Variants in LHFPL4 observed in about 807,000 individuals in gnomAD.
LHFPL4 encodes the protein LHFPL tetraspan subfamily member 4, also known as LHFPL tetraspan subfamily member 4 protein.
LHFPL4 carries 6 observed loss-of-function variants against 20.0 expected under a neutral mutation model. The ratio of observed to expected loss-of-function variants is 0.30; its 90% CI spans 0.16 to 0.59. The LOEUF (loss-of-function observed/expected upper bound fraction) is 0.59, where lower values mean the gene tolerates loss of function less well. Ranked by LOEUF, LHFPL4 falls within the 20% of genes least tolerant of loss-of-function variation. The probability of loss-of-function intolerance (pLI) is 0.88; values close to 1 mark genes in which losing one functional copy is unlikely to be tolerated. For missense variants in LHFPL4, 215 were observed against 331.2 expected, an observed-to-expected ratio of 0.65 and a Z score of 2.72; for synonymous variants, 129 against 143.8, an observed-to-expected ratio of 0.90 and a Z score of 0.74.
chr3:9,525,626 T>C (rs946514550), intron 2 of LHFPL4, among the ~76,000 whole-genome samples: 2 of 152,216 alleles, frequency 1.3e-5, no homozygotes. Context: ...AAAAAGGATA[T>C]GCATACTATG....
At chr3:9,537,231 G>A (rs968923457) in intron 2 of LHFPL4, among the ~76,000 whole-genome samples, 5 of 152,070 alleles carry the variant, frequency 3.3e-5, no homozygotes, top group African/African-American at 1.2e-4. Context: ...TTGCACTCTG[G>A]CCACACTGCC....
chr3:9,504,554 G>T (rs957753171), intron 3 of LHFPL4, among the ~76,000 whole-genome samples: 1 of 152,022 alleles, frequency 6.6e-6, no homozygotes, highest in African/African-American at 2.4e-5. Context: ...AGCTGGGCAC[G>T]GTGGCTCACA....
At position 9,498,876 on chromosome 3, in the gene LHFPL4, C is replaced by A. The variant is rs562407476; in HGVS notation, c.*3335G>T. 6.5e-6 allele frequency: 1 copy of A among 152,684 alleles called. No homozygotes were observed. Among genetic ancestry groups the A allele is most frequent in the African/African-American group, 2.4e-5 (1 of 41,452 alleles). The allele number at this position is 152,684 out of a possible 1,614,324, so 9.5% of individuals were successfully genotyped here. A position where few individuals can be genotyped will look rare whatever the true frequency, so the allele number is the denominator to read the frequency against. On this transcript the variant is annotated 3_prime_UTR_variant, in exon 4 of 4. Transcript: ENST00000287585. Reference sequence around the variant, plus strand: ...GATCTTGATTCTTTGGTCCTCACCCCCTCAGGAAAGTTTTCCTTCATGGGT... The same window carrying A: ...GATCTTGATTCTTTGGTCCTCACCCACTCAGGAAAGTTTTCCTTCATGGGT...
At chr3:9,517,512 G>A (rs1179791499) in intron 2 of LHFPL4, among the ~76,000 whole-genome samples, 3 of 151,374 alleles carry the variant, frequency 2.0e-5, no homozygotes, top group Admixed American at 1.3e-4. Flanking sequence ...TTTCCAGTCT[G>A]AGAAACAGAC....
intron 2 of LHFPL4, among the ~76,000 whole-genome samples, chr3:9,533,833 T>A (rs2046427288): frequency 2.0e-5 from 3 of 151,616 alleles, no homozygotes; most frequent in Admixed American, 2.0e-4. Context: ...GAAGGGGGAA[T>A]GAGGTTTATG....
intron 2 of LHFPL4, among the ~76,000 whole-genome samples, chr3:9,550,321 G>A (rs1038700932): frequency 3.9e-5 from 6 of 152,110 alleles, no homozygotes; most frequent in Non-Finnish European, 8.8e-5. Context: ...CACATGGGTG[G>A]GGCAGTAATG....
intron 2 of LHFPL4, among the ~76,000 whole-genome samples, chr3:9,522,425 C>T (rs2046344104): frequency 6.6e-6 from 1 of 152,034 alleles, no homozygotes; most frequent in Admixed American, 6.5e-5. Context: ...AAACTGTTAT[C>T]TGTTAGATCA....
At chr3:9,530,878 C>T (rs112383402) in intron 2 of LHFPL4, among the ~76,000 whole-genome samples, 8 of 152,254 alleles carry the variant, frequency 5.3e-5, no homozygotes, top group Admixed American at 1.3e-4. Context: ...GGATAACAAG[C>T]GTGAGCCACC....
chr3:9,533,367 G>C (rs1051345467), intron 2 of LHFPL4, among the ~76,000 whole-genome samples: 4 of 152,198 alleles, frequency 2.6e-5, no homozygotes, highest in Admixed American at 2.0e-4. Context: ...CAACAAAATA[G>C]TATACAGCAG....
In LHFPL4 at chr3:9,499,900, C is replaced by G; in HGVS notation, c.*2311G>C. On this transcript the variant is annotated 3_prime_UTR_variant, in exon 4 of 4. Transcript: ENST00000287585. Reference sequence around the variant, plus strand: ...CTTCCTCTGCATCCCATTCTTGCCCCCAACCCACATCTCCATTTACCTCTT... The same window carrying G: ...CTTCCTCTGCATCCCATTCTTGCCCGCAACCCACATCTCCATTTACCTCTT... 6.6e-6 allele frequency: 1 copy of G among 152,572 alleles called. No homozygotes were observed. 9.5% of individuals were successfully genotyped at this position (152,572 alleles called of 1,614,324 possible). A position where few individuals can be genotyped will look rare whatever the true frequency, so the allele number is the denominator to read the frequency against.
intron 2 of LHFPL4, among the ~76,000 whole-genome samples, chr3:9,540,552 G>A (rs910356533): frequency 6.6e-6 from 1 of 152,084 alleles, no homozygotes; most frequent in Admixed American, 6.6e-5. Context: ...AACAAAGTTG[G>A]AGGACTCACA....
rs1286247285 is a variant in LHFPL4 at position 9,500,247 on chromosome 3, G to A, written c.*1964C>T. 3 of 152,234 alleles carry A rather than the reference G, an allele frequency of 2.0e-5. No individual in the cohort carries two copies. The highest frequency in any genetic ancestry group is 7.3e-5 in the African/African-American group (3 of 41,354). The allele number at this position is 152,234 out of a possible 1,614,324, so 9.4% of individuals were successfully genotyped here. A position where few individuals can be genotyped will look rare whatever the true frequency, so the allele number is the denominator to read the frequency against. On this transcript the variant is annotated 3_prime_UTR_variant, in exon 4 of 4. Coordinates refer to ENST00000287585, the MANE Select transcript of LHFPL4 (RefSeq NM_198560.3). ...GCTGGGCTTGGTTTGCATCTTTGAG[G>A]AACTCCCTCCTACCCCAACTCCCTC... is the stretch of plus-strand genomic sequence containing the variant.
intron 2 of LHFPL4, among the ~76,000 whole-genome samples, chr3:9,507,625 G>A (rs1050467100): frequency 6.6e-6 from 1 of 152,252 alleles, no homozygotes; most frequent in Non-Finnish European, 1.5e-5. Flanking sequence ...AAGAGAAGGG[G>A]CAGGCTCAGA....
At chr3:9,522,239 C>A (rs761191522) in intron 2 of LHFPL4, among the ~76,000 whole-genome samples, 16 of 151,680 alleles carry the variant, frequency 1.1e-4, no homozygotes, top group Non-Finnish European at 1.8e-4. Flanking sequence ...CGTGATCTGC[C>A]CGCCTTGGCC....
intron 2 of LHFPL4, among the ~76,000 whole-genome samples, chr3:9,536,204 G>A (rs1407608355): frequency 6.6e-6 from 1 of 152,208 alleles, no homozygotes; most frequent in Admixed American, 6.5e-5. Flanking sequence ...TCGGGAAGTG[G>A]GTTGGAGATG....
At chr3:9,529,022 A>T (rs2046392783) in intron 2 of LHFPL4, among the ~76,000 whole-genome samples, 1 of 145,522 alleles carries the variant, frequency 6.9e-6, no homozygotes, top group African/African-American at 2.5e-5. Flanking sequence ...GGTTTAGGAA[A>T]ATCACCAATG....
chr3:9,520,585 C>A (rs1364706530), intron 2 of LHFPL4, among the ~76,000 whole-genome samples: 1 of 152,118 alleles, frequency 6.6e-6, no homozygotes, highest in African/African-American at 2.4e-5. Context: ...AACTCCTGAT[C>A]CGCCTGCCTC....
At chr3:9,518,758 CA>C (rs2046319330) in intron 2 of LHFPL4, among the ~76,000 whole-genome samples, 1 of 144,166 alleles carries the variant, frequency 6.9e-6, no homozygotes, top group East Asian at 2.2e-4. Flanking sequence ...TTTTTTTGTT[CA>C]TTTCTTTTTT....
At chr3:9,539,309 G>C (rs973450319) in intron 2 of LHFPL4, among the ~76,000 whole-genome samples, 2 of 151,924 alleles carry the variant, frequency 1.3e-5, no homozygotes, top group African/African-American at 2.4e-5. Flanking sequence ...ACAAAAATTA[G>C]CTGGGCACGG....
Sources: allele counts gnomAD v4.1 joint callset (sites outside exome capture counted in the v4.1 genomes callset), GRCh38; gene constraint gnomAD v4.1.1; transcripts MANE v1.5; gene names NCBI Gene and HGNC (gene_info 2026-07-23, HGNC 2026-07-21).